The following DENND4C variants were observed in gnomAD, a reference collection of about 807,000 sequenced individuals.
The protein encoded by DENND4C is DENN domain containing 4C.
Under a neutral mutation model 203.0 loss-of-function variants are expected in DENND4C, and 108 were observed. The observed-to-expected ratio is 0.53, with a 90% CI of 0.46 to 0.62. DENND4C has a LOEUF of 0.62. DENND4C is among the 20% of genes least tolerant of loss of function. The probability of loss-of-function intolerance (pLI) is 0.00; values close to 1 mark genes in which losing one functional copy is unlikely to be tolerated. For synonymous variants in DENND4C, 871 were observed against 792.4 expected, an observed-to-expected ratio of 1.10 and a Z score of -1.67; for missense variants, 2,481 against 2,301.2, an observed-to-expected ratio of 1.08 and a Z score of -1.60.
chr9:19,250,093 T>C (rs1227714063), intron 1 of DENND4C, among the ~76,000 whole-genome samples: 1 of 151,968 alleles, frequency 6.6e-6, no homozygotes, highest in South Asian at 2.1e-4. Context: ...AGGCCAGGAG[T>C]TTGAGATCAG....
intron 6 of DENND4C, among the ~76,000 whole-genome samples, chr9:19,296,478 G>C (rs1837492404): frequency 6.7e-6 from 1 of 150,100 alleles, no homozygotes. Context: ...AGTTCTCTGT[G>C]TCAGCCTCCC....
rs1366046897 is a variant in DENND4C, at chr9:19,356,946, CT to C, written c.4782-21del. On this transcript the variant is annotated intron_variant, in intron 26 of 32. Transcript: ENST00000434457. The stretch of plus-strand genomic sequence containing the variant: ...GAAAACTTGAGGATTTTTAAAGGCT[CT>C]TTTTCCCCCCTTTTCCTTATGTAGC... 5.0e-6 allele frequency: 8 copies of C among 1,601,668 alleles called. No homozygotes were observed. The Admixed American group carries it at 5.2e-5, about 10-fold the overall frequency.
At chr9:19,277,090 G>T (rs1269081332) in intron 2 of DENND4C, among the ~76,000 whole-genome samples, 1 of 152,034 alleles carries the variant, frequency 6.6e-6, no homozygotes, top group South Asian at 2.1e-4. Context: ...TGTGCTTTTA[G>T]AATACCTATA....
chr9:19,245,614 T>C (rs1564081282), intron 1 of DENND4C, among the ~76,000 whole-genome samples: 1 of 152,068 alleles, frequency 6.6e-6, no homozygotes, highest in Admixed American at 6.6e-5. Flanking sequence ...CCCAGCACTT[T>C]GGAAGGCCGA....
intron 1 of DENND4C, among the ~76,000 whole-genome samples, chr9:19,248,987 C>G (rs192606105): frequency 6.6e-6 from 1 of 152,098 alleles, no homozygotes; most frequent in Admixed American, 6.5e-5. Context: ...GATGGGGTTT[C>G]ACCATGTTGG....
intron 15 of DENND4C, 90 bp from the exon 16 acceptor site, chr9:19,327,940 T>TTAGAAATATTTA: frequency 8.1e-7 from 1 of 1,238,964 alleles, no homozygotes; most frequent in Non-Finnish European, 1.1e-6. Flanking sequence ...GGATACTATT[T>TTAGAAATATTTA]GAAGTTTAGA....
intron 6 of DENND4C, among the ~76,000 whole-genome samples, chr9:19,296,761 T>A (rs1049223683): frequency 1.3e-5 from 2 of 152,224 alleles, no homozygotes; most frequent in Non-Finnish European, 2.9e-5. Context: ...AAGTAACTCT[T>A]ATAAATTATA....
At position 19,370,037 on chromosome 9, in the gene DENND4C, T is replaced by C. The variant is rs764827615; in HGVS notation, c.5675+50T>C. The C allele has an allele frequency of 8.1e-6, 13 of 1,596,302 alleles. No homozygotes were observed. The Middle Eastern group carries it at 1.5e-3, about 183-fold the overall frequency. On this transcript the variant is annotated intron_variant, in intron 31 of 32. Transcript: ENST00000434457. ...GCCACCACTCAGTCATTTCATGTTT[T>C]TAAAAAAATATCTTACTTTTAAAAA...
intron 9 of DENND4C, among the ~76,000 whole-genome samples, chr9:19,302,094 A>C (rs1838709692): frequency 6.6e-6 from 1 of 152,214 alleles, no homozygotes; most frequent in Non-Finnish European, 1.5e-5. Flanking sequence ...TCATATGAAA[A>C]ATGCCAGAGT....
At chr9:19,243,834 C>T (rs947052231) in intron 1 of DENND4C, among the ~76,000 whole-genome samples, 3 of 152,094 alleles carry the variant, frequency 2.0e-5, no homozygotes, top group South Asian at 2.1e-4. Flanking sequence ...GTTTTTGAGA[C>T]GAAGTCTAGC....
At chr9:19,241,545 C>T (rs10757038) in intron 1 of DENND4C, among the ~76,000 whole-genome samples, 121,638 of 149,780 alleles carry the variant, frequency 0.81, 49,712 homozygotes, top group Admixed American at 0.87. Context: ...ACTTTTTTGT[C>T]GGAAATGAAA....
chr9:19,294,753 TA>T (rs1315953710), intron 5 of DENND4C, among the ~76,000 whole-genome samples: 2 of 152,174 alleles, frequency 1.3e-5, no homozygotes, highest in African/African-American at 4.8e-5. Flanking sequence ...AGGTGAATCT[TA>T]AAAACATTAT....
At chr9:19,282,410 A>G (rs901463136) in intron 2 of DENND4C, among the ~76,000 whole-genome samples, 2 of 151,492 alleles carry the variant, frequency 1.3e-5, no homozygotes, top group Non-Finnish European at 2.9e-5. Context: ...AGTGTATGCC[A>G]CCACTCCTGG....
intron 1 of DENND4C, among the ~76,000 whole-genome samples, chr9:19,273,751 T>A (rs1588808019): frequency 6.6e-6 from 1 of 150,976 alleles, no homozygotes; most frequent in South Asian, 2.1e-4. Context: ...AATGTCTAAA[T>A]TAAAAAGACT....
chr9:19,255,432 A>G (rs559189367), intron 1 of DENND4C, among the ~76,000 whole-genome samples: 1 of 152,102 alleles, frequency 6.6e-6, no homozygotes, highest in African/African-American at 2.4e-5. Context: ...TTTTAATGTA[A>G]AAACCATCAA....
chr9:19,346,799 A>G lies in DENND4C; in HGVS notation c.4030A>G (p.Lys1344Glu), dbSNP rs748852267. The G allele has an allele frequency of 1.2e-6, 2 of 1,614,074 alleles. No homozygotes were observed. The highest frequency in any genetic ancestry group is 1.7e-6 in the Non-Finnish European group (2 of 1,180,048). Residue 1344 changes from lysine to glutamate, a missense_variant, in exon 23 of 33, where the codon AAG becomes GAG. Coordinates refer to ENST00000434457, the MANE Select transcript of DENND4C (RefSeq NM_001330640.2). Reference sequence around the variant, plus strand: ...AGCACAGGAAAATCCTGAAAGTGAAAAGAGCTCACCTGCAGTGTCCAGGTC... The same window carrying G: ...AGCACAGGAAAATCCTGAAAGTGAAGAGAGCTCACCTGCAGTGTCCAGGTC... The part of the protein sequence containing the change: ...SPAQENPESE[K>E]SSPAVSRSKT...
intron 8 of DENND4C, 37 bp from the exon 9 acceptor site, chr9:19,300,150 G>A (rs754649585): frequency 1.3e-6 from 2 of 1,562,344 alleles, no homozygotes; most frequent in Non-Finnish European, 1.7e-6. Flanking sequence ...CAGCAAAATA[G>A]TTCACAATGA....
intron 30 of DENND4C, among the ~76,000 whole-genome samples, chr9:19,365,261 A>G (rs921381981): frequency 6.6e-6 from 1 of 152,354 alleles, no homozygotes; most frequent in Admixed American, 6.5e-5. Context: ...TTGAAAATCA[A>G]TTGTGTAATA....
intron 18 of DENND4C, 83 bp from the exon 19 acceptor site, chr9:19,336,187 A>G (rs1820427327): frequency 8.1e-7 from 1 of 1,235,548 alleles, no homozygotes; most frequent in South Asian, 1.7e-5. Context: ...ATATATATAA[A>G]CATACACACA....
Sources: allele counts gnomAD v4.1 joint callset (sites outside exome capture counted in the v4.1 genomes callset), GRCh38; gene constraint gnomAD v4.1.1; transcripts MANE v1.5; gene names NCBI Gene and HGNC (gene_info 2026-07-23, HGNC 2026-07-21).